TCEANC2: variants seen among roughly 807,000 people sequenced by gnomAD.
The protein encoded by TCEANC2 is transcription elongation factor A N-terminal and central domain containing 2.
A neutral mutation model predicts 22.8 loss-of-function variants in TCEANC2; 20 were observed. The observed-to-expected ratio is 0.88, with a 90% CI of 0.62 to 1.28. The LOEUF is 1.28. TCEANC2 is among the 50% of genes most tolerant of loss of function. The probability of loss-of-function intolerance (pLI) is 0.00; values close to 1 mark genes in which losing one functional copy is unlikely to be tolerated. For synonymous variants in TCEANC2, 84 were observed against 95.5 expected (o/e 0.88, Z 0.70); for missense variants, 251 against 249.7 (o/e 1.01, Z -0.03).
intron 3 of TCEANC2, among the ~76,000 whole-genome samples, chr1:54,083,782 C>T (rs374697383): frequency 5.9e-5 from 9 of 152,260 alleles, no homozygotes; most frequent in East Asian, 5.8e-4. Context: ...CATGGATACA[C>T]ACAGTCCCAC....
At chr1:54,109,104 T>C (rs544153870), downstream of TCEANC2, among the ~76,000 whole-genome samples, 5 of 152,250 alleles carry the variant, frequency 3.3e-5, no homozygotes, top group African/African-American at 1.2e-4. Flanking sequence ...TCTATTGCAA[T>C]CTGACATACT....
chr1:54,059,318 A>G (rs1173873436), intron 2 of TCEANC2, among the ~76,000 whole-genome samples: 1 of 151,854 alleles, frequency 6.6e-6, no homozygotes, highest in Non-Finnish European at 1.5e-5. Flanking sequence ...ACACCGAACT[A>G]ATTTTTGTAT....
At chr1:54,089,155 G>A (rs1298909610) in intron 4 of TCEANC2, among the ~76,000 whole-genome samples, 2 of 152,242 alleles carry the variant, frequency 1.3e-5, no homozygotes, top group East Asian at 3.9e-4. Flanking sequence ...TACCACTTAA[G>A]GTATTAAAAA....
chr1:54,106,697 A>G (rs1482310625), downstream of TCEANC2, among the ~76,000 whole-genome samples: 2 of 152,122 alleles, frequency 1.3e-5, no homozygotes, highest in Non-Finnish European at 2.9e-5. Context: ...GCAGTACCAT[A>G]TGTACACTAT....
At chr1:54,067,567 T>G (rs555454667) in intron 2 of TCEANC2, among the ~76,000 whole-genome samples, 1 of 152,360 alleles carries the variant, frequency 6.6e-6, no homozygotes, top group African/African-American at 2.4e-5. Flanking sequence ...CTCTTTTCCT[T>G]TTCCTGGCTT....
At chr1:54,056,983 A>T (rs1657763481) in intron 2 of TCEANC2, among the ~76,000 whole-genome samples, 2 of 151,788 alleles carry the variant, frequency 1.3e-5, no homozygotes, top group Non-Finnish European at 2.9e-5. Flanking sequence ...TGGAGGTTGC[A>T]GTGAGCCAGG....
At chr1:54,073,608 G>A (rs1470834174) in intron 3 of TCEANC2, among the ~76,000 whole-genome samples, 2 of 152,224 alleles carry the variant, frequency 1.3e-5, no homozygotes, top group East Asian at 1.9e-4. Flanking sequence ...GCTTTAGTCC[G>A]CCATAAAGCT....
chr1:54,061,144 G>A (rs1657846897), intron 2 of TCEANC2, among the ~76,000 whole-genome samples: 1 of 152,132 alleles, frequency 6.6e-6, no homozygotes. Flanking sequence ...ATGATGCTTG[G>A]TGTGTTCACA....
intron 1 of TCEANC2, 183 bp from the exon 2 acceptor site, chr1:54,054,198 T>G (rs1657692755): frequency 7.1e-7 from 1 of 1,405,708 alleles, no homozygotes; most frequent in Admixed American, 3.0e-5. Flanking sequence ...GACTGATGAT[T>G]GATTACAGTT....
intron 3 of TCEANC2, among the ~76,000 whole-genome samples, chr1:54,072,392 C>A (rs1457161619): frequency 1.4e-5 from 2 of 147,090 alleles, no homozygotes; most frequent in Non-Finnish European, 2.9e-5. Flanking sequence ...TTATCCCCCC[C>A]AAATTTTTTT....
At chr1:54,083,640 T>A (rs1557691880) in intron 3 of TCEANC2, among the ~76,000 whole-genome samples, 1 of 152,118 alleles carries the variant, frequency 6.6e-6, no homozygotes, top group Non-Finnish European at 1.5e-5. Flanking sequence ...GAGAAAAGGT[T>A]AAGGTGAGAC....
In TCEANC2 at chr1:54,054,443, A is replaced by G; in HGVS notation, c.21A>G (p.Arg7=). 1 of 1,614,110 alleles carries G rather than the reference A, an allele frequency of 6.2e-7. No homozygotes were observed. Among genetic ancestry groups the G allele is most frequent in the Non-Finnish European group, 8.5e-7 (1 of 1,180,018 alleles). ...TAACAATGGATAAATTCGTCATTCG[A>G]ACGCCTAGAATCCAGAATAGCCCTC... MDKFVI[R]TPRIQNSPQK... The change falls in exon 2 of 5, where the codon CGA becomes CGG. Residue 7 remains arginine (R), a synonymous_variant. Transcript: ENST00000234827.
intron 3 of TCEANC2, among the ~76,000 whole-genome samples, chr1:54,076,059 G>C (rs571954356): frequency 2.6e-5 from 4 of 151,488 alleles, no homozygotes; most frequent in African/African-American, 9.7e-5. Context: ...AAGAAGAAAC[G>C]TGTTTTATTT....
chr1:54,076,740 A>T (rs1338130068), intron 3 of TCEANC2, among the ~76,000 whole-genome samples: 1 of 152,236 alleles, frequency 6.6e-6, no homozygotes, highest in Non-Finnish European at 1.5e-5. Context: ...GAGGTCATTC[A>T]GATATTCATT....
chr1:54,058,411 C>A (rs936085862), intron 2 of TCEANC2, among the ~76,000 whole-genome samples: 1 of 152,230 alleles, frequency 6.6e-6, no homozygotes. Context: ...ATGCCTGTGC[C>A]CCGCTATACT....
At chr1:54,091,523 A>C (rs1658446739) in intron 4 of TCEANC2, among the ~76,000 whole-genome samples, 1 of 152,212 alleles carries the variant, frequency 6.6e-6, no homozygotes, top group African/African-American at 2.4e-5. Flanking sequence ...GTAGAAAAAA[A>C]ATGTTTCCAT....
At chr1:54,071,998 G>C (rs1442250008) in intron 3 of TCEANC2, among the ~76,000 whole-genome samples, 1 of 152,048 alleles carries the variant, frequency 6.6e-6, no homozygotes, top group Non-Finnish European at 1.5e-5. Flanking sequence ...TTTTTGTAGA[G>C]ATAGGGTCTC....
At chr1:54,065,563 T>A (rs1161285761) in intron 2 of TCEANC2, among the ~76,000 whole-genome samples, 3 of 151,262 alleles carry the variant, frequency 2.0e-5, no homozygotes, top group South Asian at 2.1e-4. Context: ...ACAAAAAAAA[T>A]TTAAAAATCA....
chr1:54,078,739 T>C (rs1220537646), intron 3 of TCEANC2, among the ~76,000 whole-genome samples: 1 of 152,100 alleles, frequency 6.6e-6, no homozygotes, highest in Non-Finnish European at 1.5e-5. Flanking sequence ...ATGAATTCTC[T>C]AAGTAAAAGG....
Sources: allele counts gnomAD v4.1 joint callset (sites outside exome capture counted in the v4.1 genomes callset), GRCh38; gene constraint gnomAD v4.1.1; transcripts MANE v1.5; gene names NCBI Gene and HGNC (gene_info 2026-07-23, HGNC 2026-07-21).